The following SGCZ variants were observed in gnomAD, a reference collection of about 807,000 sequenced individuals.
The protein encoded by SGCZ is sarcoglycan zeta.
Under a neutral mutation model 41.3 loss-of-function variants are expected in SGCZ, and 40 were observed. The ratio of observed to expected loss-of-function variants is 0.97; its 90% confidence interval spans 0.75 to 1.26. The LOEUF (loss-of-function observed/expected upper bound fraction) is 1.26. SGCZ is among the 50% of genes most tolerant of loss of function. SGCZ has a pLI of 0.00. For missense variants in SGCZ, 552 were observed against 369.8 expected, an observed-to-expected ratio of 1.49 and a Z score of -4.04; for synonymous variants, 206 against 137.5, an observed-to-expected ratio of 1.50 and a Z score of -3.49.
chr8:14,890,243 A>G (rs1328406720), intron 1 of SGCZ, among the ~76,000 whole-genome samples: 2 of 151,968 alleles, frequency 1.3e-5, no homozygotes, highest in East Asian at 3.9e-4. Context: ...AGAGAGAGAG[A>G]AAGAGAGAAA....
chr8:14,315,270 C>G lies in SGCZ; in HGVS notation c.336+8833G>C, dbSNP rs1801678107. On this transcript the variant is annotated intron_variant, in intron 3 of 7. Transcript: ENST00000382080. ...AAATCAAATTCAAATCCAACTGAAG[C>G]TTAGCAAATTACGTTATATAGAAAT... 2.0e-5 allele frequency among the ~76,000 whole-genome samples: 3 copies of G among 152,204 alleles called. No individual in the cohort carries two copies. The South Asian group carries it at 6.2e-4, about 32-fold the overall frequency.
At chr8:14,504,400 C>A (rs76870448) in intron 2 of SGCZ, among the ~76,000 whole-genome samples, 3,865 of 152,284 alleles carry the variant, frequency 0.025, 118 homozygotes, top group African/African-American at 0.07. Context: ...CATAAAACCA[C>A]AGCATGATGG....
At chr8:14,751,905 T>C (rs4403410) in intron 1 of SGCZ, among the ~76,000 whole-genome samples, 150,003 of 150,004 alleles carry the variant, frequency 1, 75,001 homozygotes, top group Middle Eastern at 1. Flanking sequence ...GCACTCCAGC[T>C]TGGGCTACAG....
chr8:14,752,205 C>T (rs1447799330), intron 1 of SGCZ, among the ~76,000 whole-genome samples: 1 of 148,238 alleles, frequency 6.7e-6, no homozygotes, highest in African/African-American at 2.5e-5. Context: ...ATCTCCTTTA[C>T]TATTTAAACT....
chr8:14,971,210 C>G (rs895813545), intron 1 of SGCZ, among the ~76,000 whole-genome samples: 2 of 151,992 alleles, frequency 1.3e-5, no homozygotes, highest in Non-Finnish European at 2.9e-5. Context: ...TTCATGTCTT[C>G]TTTTTCAGAA....
At chr8:14,885,313 A>G (rs1189300741) in intron 1 of SGCZ, among the ~76,000 whole-genome samples, 2 of 152,196 alleles carry the variant, frequency 1.3e-5, no homozygotes, top group African/African-American at 4.8e-5. Flanking sequence ...ATTAATTAAT[A>G]CAGATACGGT....
chr8:14,556,973 G>A (rs1325526864), intron 1 of SGCZ, among the ~76,000 whole-genome samples: 1 of 151,898 alleles, frequency 6.6e-6, no homozygotes, highest in Non-Finnish European at 1.5e-5. Context: ...TAGATCAAAT[G>A]GTAGTTCTAC....
At position 14,087,485 on chromosome 8, in the gene SGCZ, T is replaced by C. The variant is rs528181997; in HGVS notation, c.*2958A>G. ...AACCTCTTTTTCTTCTTCCGTTTGT[T>C]CCTTCCTGGCGTACACTGAGTATGA... On this transcript the variant is annotated 3_prime_UTR_variant, in exon 8 of 8. Coordinates refer to ENST00000382080, the MANE Select transcript of SGCZ (RefSeq NM_139167.4). Among the ~76,000 whole-genome samples the C allele has an allele frequency of 5.3e-4, 80 of 151,788 alleles. No individual in the cohort carries two copies. Among genetic ancestry groups the C allele is most frequent in the African/African-American group, 1.6e-3 (68 of 41,504 alleles).
Position 14,686,860 on chromosome 8 carries a change from C to T in SGCZ, c.40-131934G>A, listed in dbSNP as rs968671179. ...AGAGTAAGATGATACTGCCACATGGCTTCATCAGCAGCACAAGGGATAAAC... is the reference window on the plus strand; with the variant it reads ...AGAGTAAGATGATACTGCCACATGGTTTCATCAGCAGCACAAGGGATAAAC... On this transcript the variant is annotated intron_variant, in intron 1 of 7. Transcript: ENST00000382080. 1.3e-4 allele frequency among the ~76,000 whole-genome samples: 20 copies of T among 152,170 alleles called. 3 individuals carry two copies. The highest frequency in any genetic ancestry group is 1.1e-3 in the Admixed American group (17 of 15,258).
intron 1 of SGCZ, among the ~76,000 whole-genome samples, chr8:15,059,328 C>G (rs1005820345): frequency 2.0e-5 from 3 of 152,128 alleles, no homozygotes; most frequent in African/African-American, 7.2e-5. Flanking sequence ...GATCTTACCT[C>G]CTAAGGAGCA....
rs141841328 is a variant in SGCZ at position 14,984,949 on chromosome 8, C to T, written c.39+252636G>A. Among the ~76,000 whole-genome samples, 43 of 151,536 alleles carry T rather than the reference C, an allele frequency of 2.8e-4. No individual in the cohort carries two copies. In the South Asian group the frequency reaches 8.6e-3, roughly 30 times the overall value. ...TTTTTTTGTGGATTTTTCTGGGCCA[C>T]AGTATCTGTAGATTCCAACAACAAC... On this transcript the variant is annotated intron_variant, in intron 1 of 7. Transcript: ENST00000382080.
chr8:15,016,156 A>G (rs1436805281), intron 1 of SGCZ, among the ~76,000 whole-genome samples: 1 of 152,024 alleles, frequency 6.6e-6, no homozygotes, highest in Non-Finnish European at 1.5e-5. Context: ...TTTCCTCCAA[A>G]CATTTCTGGA....
intron 1 of SGCZ, among the ~76,000 whole-genome samples, chr8:14,601,891 C>T (rs950280577): frequency 8.6e-5 from 13 of 152,018 alleles, no homozygotes; most frequent in Non-Finnish European, 1.9e-4. Flanking sequence ...GTGGCCGAGG[C>T]GGGCGGATCA....
At position 14,918,103 on chromosome 8, in the gene SGCZ, C is replaced by G. The variant is rs1799490618; in HGVS notation, c.39+319482G>C. Among the ~76,000 whole-genome samples, 9 of 152,238 alleles carry G rather than the reference C, an allele frequency of 5.9e-5. No homozygotes were observed. In the South Asian group the frequency reaches 1.9e-3, roughly 32 times the overall value. On this transcript the variant is annotated intron_variant, in intron 1 of 7. Transcript: ENST00000382080. ...ATTGCCTACTTTCATACTTCAGATC[C>G]AAGAAGATACTGAGCAATCTTTTAA...
chr8:14,768,368 C>G (rs73531169), intron 1 of SGCZ, among the ~76,000 whole-genome samples: 8,412 of 152,196 alleles, frequency 0.055, 786 homozygotes, highest in African/African-American at 0.19. Flanking sequence ...ATGTTGCGTC[C>G]TATAGTGATA....
At chr8:14,911,919 T>A (rs1260348257) in intron 1 of SGCZ, among the ~76,000 whole-genome samples, 1 of 151,986 alleles carries the variant, frequency 6.6e-6, no homozygotes, top group African/African-American at 2.4e-5. Context: ...ACTGCAATGA[T>A]AAATGGATTT....
chr8:14,102,077 T>G (rs7009030), intron 7 of SGCZ, among the ~76,000 whole-genome samples: 3,085 of 32,700 alleles, frequency 0.094, 132 homozygotes, highest in African/African-American at 0.2. Context: ...TGGCTAACTT[T>G]ATATATATAT....
intron 1 of SGCZ, among the ~76,000 whole-genome samples, chr8:14,603,075 C>T (rs376806526): frequency 3.9e-5 from 6 of 152,114 alleles, no homozygotes; most frequent in South Asian, 2.1e-4. Flanking sequence ...ACTTGACATA[C>T]GCCGGGGGCA....
chr8:14,580,180 C>A (rs1024486206), intron 1 of SGCZ, among the ~76,000 whole-genome samples: 1 of 152,036 alleles, frequency 6.6e-6, no homozygotes, highest in South Asian at 2.1e-4. Flanking sequence ...GCAAATGCAG[C>A]CTAAGAGTAA....
Sources: allele counts gnomAD v4.1 joint callset (sites outside exome capture counted in the v4.1 genomes callset), GRCh38; gene constraint gnomAD v4.1.1; transcripts MANE v1.5; gene names NCBI Gene and HGNC (gene_info 2026-07-23, HGNC 2026-07-21).